DOK7: variants seen among roughly 807,000 people sequenced by gnomAD.
DOK7 encodes the protein protein Dok-7.
A neutral mutation model predicts 30.7 loss-of-function variants in DOK7; 32 were observed. That is an observed-to-expected ratio of 1.04 (90% CI 0.79 to 1.40). The LOEUF (loss-of-function observed/expected upper bound fraction) is 1.40. Ranked by LOEUF, DOK7 falls within the 40% of genes most tolerant of loss-of-function variation. The probability of loss-of-function intolerance (pLI) is 0.00; values close to 1 mark genes in which losing one functional copy is unlikely to be tolerated. For missense variants in DOK7, 1,007 were observed against 699.2 expected (o/e 1.44, Z -4.97); for synonymous variants, 447 against 324.1 (o/e 1.38, Z -4.07).
chr4:3,466,235 C>A (rs1327251820), intron 2 of DOK7, among the ~76,000 whole-genome samples: 1 of 152,208 alleles, frequency 6.6e-6, no homozygotes, highest in Non-Finnish European at 1.5e-5. Context: ...AAGTTCCGCG[C>A]CTGCCCCCGG....
chr4:3,476,425 G>A lies in DOK7; in HGVS notation c.415G>A (p.Val139Ile), dbSNP rs571769859. 2.4e-5 allele frequency: 39 copies of A among 1,613,456 alleles called. No homozygotes were observed. The East Asian group carries it at 2.9e-4, about 12-fold the overall frequency. Residue 139 changes from valine to isoleucine, a missense_variant, in exon 4 of 7, where the codon GTC becomes ATC. Physicochemically the swap from Val to Ile is conservative, Grantham distance 29 (BLOSUM62 3). Transcript: ENST00000340083. ...ATLHLCNDVL[V>I]LARDIPPAVT... Reference sequence around the variant, plus strand: ...CCTGCACCTCTGCAATGATGTCCTCGTCTTGGCCAGGGACATCCCCCCGGC... The same window carrying A: ...CCTGCACCTCTGCAATGATGTCCTCATCTTGGCCAGGGACATCCCCCCGGC...
chr4:3,496,937 A>G (rs2109436629), downstream of DOK7: 2 of 384,862 alleles, frequency 5.2e-6, no homozygotes, highest in Middle Eastern at 4.0e-4. Context: ...GATGGCAGCC[A>G]GAGTTTGACT....
At chr4:3,476,694 G>A (rs984602764) in intron 4 of DOK7, 152 bp downstream of exon 4, 44 of 1,007,280 alleles carry the variant, frequency 4.4e-5, no homozygotes, top group African/African-American at 1.6e-4. Flanking sequence ...CCCCACGCTC[G>A]ATGTCCAAGG....
chr4:3,493,151 C>T lies in DOK7; in HGVS notation c.1165C>T (p.Leu389=), dbSNP rs1230074201. 4 of 1,604,504 alleles carry T rather than the reference C, an allele frequency of 2.5e-6. No individual in the cohort carries two copies. Among genetic ancestry groups the T allele is most frequent in the Admixed American group, 1.7e-5 (1 of 59,160 alleles). The part of the protein sequence containing the change: ...GAPEPSLCTC[L]PGTVEYQVPT... The stretch of plus-strand genomic sequence containing the variant: ...CCCCGAGCCCAGCCTGTGCACCTGC[C>T]TGCCCGGGACAGTCGAGTACCAGGT... The change falls in exon 7 of 7, where the codon CTG becomes TTG. Residue 389 remains leucine, a synonymous_variant. Coordinates refer to ENST00000340083, the MANE Select transcript of DOK7 (RefSeq NM_173660.5).
At chr4:3,481,425 A>T (rs1727435729) in intron 4 of DOK7, among the ~76,000 whole-genome samples, 1 of 143,448 alleles carries the variant, frequency 7.0e-6, no homozygotes, top group African/African-American at 2.6e-5. Context: ...CAAGGGGAGG[A>T]GGGCCGGCCC....
chr4:3,470,133 A>G (rs1031810145), intron 2 of DOK7, among the ~76,000 whole-genome samples: 3 of 152,076 alleles, frequency 2.0e-5, no homozygotes, highest in African/African-American at 7.2e-5. Context: ...TGCCTCTCCC[A>G]GCTCCTGTTA....
chr4:3,492,973 G>T lies in DOK7; in HGVS notation c.987G>T (p.Glu329Asp). The T allele has an allele frequency of 6.4e-7, 1 of 1,553,710 alleles. No homozygotes were observed. The highest frequency in any genetic ancestry group is 8.7e-7 in the Non-Finnish European group (1 of 1,152,868). ...CGCTGCGTCCGCGGCAGCTGCAGGA[G>T]GTTGGCCGCCAGAGCTCCTCGGACA... ...PKPLRPRQLQEVGRQSSSDSG... is the reference protein window; with the variant it reads ...PKPLRPRQLQDVGRQSSSDSG... The change falls in exon 7 of 7, where the codon GAG becomes GAT. Residue 329 changes from glutamate to aspartate, a missense_variant. Glu to Asp is a conservative substitution (Grantham distance 45). Coordinates refer to ENST00000340083, the MANE Select transcript of DOK7 (RefSeq NM_173660.5).
At chr4:3,499,660 G>T (rs1168628589) in intron 6 of DOK7, among the ~76,000 whole-genome samples, 2 of 151,516 alleles carry the variant, frequency 1.3e-5, no homozygotes, top group African/African-American at 4.8e-5. Flanking sequence ...GGGGAAGGGA[G>T]TAGCTCCTAT....
intron 4 of DOK7, chr4:3,484,934 A>T: frequency 5.2e-6 from 5 of 957,044 alleles, no homozygotes; most frequent in Non-Finnish European, 6.2e-6. Flanking sequence ...CCTTCCTGGG[A>T]TGTGACCCCA....
At chr4:3,486,105 G>A (rs1727771586) in intron 5 of DOK7, among the ~76,000 whole-genome samples, 1 of 151,958 alleles carries the variant, frequency 6.6e-6, no homozygotes. Flanking sequence ...CCGGTGTTTA[G>A]GCCCAAGGCC....
At chr4:3,484,986 C>T in intron 4 of DOK7, 3 of 646,052 alleles carry the variant, frequency 4.6e-6, no homozygotes, top group Non-Finnish European at 5.8e-6. Flanking sequence ...GCCTTGGAGC[C>T]CTGAGGGGAC....
At chr4:3,488,694 G>C (rs973738682) in intron 5 of DOK7, among the ~76,000 whole-genome samples, 1 of 152,228 alleles carries the variant, frequency 6.6e-6, no homozygotes, top group Admixed American at 6.5e-5. Flanking sequence ...CAGTCCTGCA[G>C]GTGCCCCCAA....
intron 6 of DOK7, among the ~76,000 whole-genome samples, chr4:3,491,438 ATTTC>A (rs139330166): frequency 0.16 from 16,463 of 100,280 alleles, 1,113 homozygotes; most frequent in Middle Eastern, 0.23. Context: ...CTGCTCATTC[ATTTC>A]TTTCTTCTCT....
At position 3,500,260 on chromosome 4, in the gene DOK7, GA is replaced by G; in HGVS notation, c.1119del (p.Val375TrpfsTer19). 6.5e-7 allele frequency: 1 copy of G among 1,535,696 alleles called. No homozygotes were observed. Among genetic ancestry groups the G allele is most frequent in the Non-Finnish European group, 8.7e-7 (1 of 1,146,626 alleles). ...GCCGCTCCCCCCACAGGATCCCCAG[GA>G]CCCGTGGCTGTGGACAGCCCAGGAC... On this transcript the variant is annotated frameshift_variant, in exon 7 of 8. Transcript: ENST00000643608. LOFTEE classifies it high-confidence loss of function.
chr4:3,500,311 C>G, exon 7 of DOK7: 4 of 1,535,946 alleles, frequency 2.6e-6, no homozygotes, highest in Non-Finnish European at 3.5e-6. Context: ...GGCGAGTCGC[C>G]CACTTACGTG....
In DOK7 at chr4:3,463,725, C is replaced by A. The variant is rs149895148; in HGVS notation, c.100+174C>A. On this transcript the variant is annotated intron_variant, in intron 2 of 6. Coordinates refer to ENST00000340083, the MANE Select transcript of DOK7 (RefSeq NM_173660.5). ...CGCCCCTGGGAGCGCAGGTGGGGGCCCTGGACGGAAGAACCCTCTTTCCAG... is the reference window on the plus strand; with the variant it reads ...CGCCCCTGGGAGCGCAGGTGGGGGCACTGGACGGAAGAACCCTCTTTCCAG... 0.021 allele frequency among the ~76,000 whole-genome samples: 3,185 copies of A among 152,278 alleles called. 42 individuals are homozygous for A. Among genetic ancestry groups the A allele is most frequent in the Non-Finnish European group, 0.031 (2,087 of 68,002 alleles).
chr4:3,469,228 T>C (rs1311703838), intron 2 of DOK7, among the ~76,000 whole-genome samples: 1 of 152,030 alleles, frequency 6.6e-6, no homozygotes, highest in Non-Finnish European at 1.5e-5. Flanking sequence ...TGAGTGTGCG[T>C]GTGTGCCTGC....
exon 8 of DOK7, chr4:3,500,963 G>C (rs1419624551): frequency 5.3e-6 from 7 of 1,327,870 alleles, no homozygotes; most frequent in East Asian, 2.6e-5. Flanking sequence ...GCCGGTCTCC[G>C]GGCCATGGTG....
intron 4 of DOK7, among the ~76,000 whole-genome samples, chr4:3,479,975 G>A (rs535115743): frequency 6.6e-6 from 1 of 152,376 alleles, no homozygotes; most frequent in East Asian, 1.9e-4. Context: ...CTCACACACG[G>A]GCAAGTGACT....
Sources: gnomAD v4.1 joint callset for allele counts (sites outside exome capture counted in the v4.1 genomes callset) on GRCh38, gnomAD v4.1.1 for gene constraint, MANE v1.5 for transcripts, NCBI Gene and HGNC (gene_info 2026-07-23, HGNC 2026-07-21) for gene names.